The following MYRFL variants were observed in gnomAD, a reference collection of about 807,000 sequenced individuals.
MYRFL encodes myelin regulatory factor like.
A neutral mutation model predicts 109.4 loss-of-function variants in MYRFL; 88 were observed. The observed-to-expected ratio is 0.80, with a 90% confidence interval of 0.68 to 0.96. The LOEUF (loss-of-function observed/expected upper bound fraction) is 0.96, where lower values mean the gene tolerates loss of function less well. Ranked by LOEUF, MYRFL falls within the 40% of genes least tolerant of loss-of-function variation. The pLI, the probability that MYRFL is intolerant of heterozygous loss-of-function variation, is 0.00. For missense variants in MYRFL, 957 were observed against 954.9 expected, an observed-to-expected ratio of 1.00 and a Z score of -0.03; for synonymous variants, 324 against 320.9, an observed-to-expected ratio of 1.01 and a Z score of -0.10.
At position 69,956,600 on chromosome 12, in the gene MYRFL, C is replaced by T. The variant is rs191514583; in HGVS notation, c.2450+1163C>T. On this transcript the variant is annotated intron_variant, in intron 22 of 24. Transcript: ENST00000552032. ...CTATCACTCTTTCCCTTCCCTCTGTCCTCCCCTCTCTCCCTCTGCTTGCCC... is the reference window on the plus strand; with the variant it reads ...CTATCACTCTTTCCCTTCCCTCTGTTCTCCCCTCTCTCCCTCTGCTTGCCC... Among the ~76,000 whole-genome samples, 437 of 151,732 alleles carry T rather than the reference C, an allele frequency of 2.9e-3. 1 individual carries two copies. The highest frequency in any genetic ancestry group is 5.4e-3 in the Non-Finnish European group (366 of 67,900).
intron 1 of MYRFL, among the ~76,000 whole-genome samples, chr12:69,837,227 C>T (rs181488610): frequency 1.1e-4 from 17 of 152,244 alleles, no homozygotes; most frequent in South Asian, 6.2e-4. Context: ...TATTCTAGAA[C>T]GAGATGCCAA....
At chr12:69,862,527 C>G (rs1477569465) in intron 2 of MYRFL, among the ~76,000 whole-genome samples, 4 of 150,264 alleles carry the variant, frequency 2.7e-5, no homozygotes, top group African/African-American at 9.7e-5. Flanking sequence ...AATGGGAGTT[C>G]ACTCATGATT....
At chr12:69,874,605 C>G (rs1281149746) in intron 2 of MYRFL, among the ~76,000 whole-genome samples, 1 of 152,176 alleles carries the variant, frequency 6.6e-6, no homozygotes, top group Admixed American at 6.5e-5. Context: ...GCCTGAATAA[C>G]TGTCTTTAAC....
chr12:69,857,977 G>C (rs950676389), intron 2 of MYRFL, among the ~76,000 whole-genome samples: 1 of 151,740 alleles, frequency 6.6e-6, no homozygotes, highest in Non-Finnish European at 1.5e-5. Flanking sequence ...TTATCATTAA[G>C]TGTAATGTTA....
intron 11 of MYRFL, among the ~76,000 whole-genome samples, chr12:69,907,926 T>C (rs1017973111): frequency 1.2e-4 from 19 of 152,206 alleles, no homozygotes; most frequent in Middle Eastern, 3.2e-3. Flanking sequence ...TATGAGATTG[T>C]GACTGTTCCT....
intron 13 of MYRFL, 35 bp downstream of exon 13, chr12:69,910,965 A>C: frequency 6.9e-7 from 1 of 1,442,740 alleles, no homozygotes; most frequent in Non-Finnish European, 9.4e-7. Flanking sequence ...GCTATAAGCT[A>C]TCAGTCTAGG....
At chr12:69,921,031 A>G (rs549738047) in intron 13 of MYRFL, among the ~76,000 whole-genome samples, 1 of 152,282 alleles carries the variant, frequency 6.6e-6, no homozygotes, top group African/African-American at 2.4e-5. Flanking sequence ...TTTTTACATC[A>G]CAACTGTAGA....
chr12:69,836,341 G>A (rs1007488895), intron 1 of MYRFL, among the ~76,000 whole-genome samples: 3 of 152,136 alleles, frequency 2.0e-5, no homozygotes, highest in Non-Finnish European at 4.4e-5. Context: ...GGCCAGGGTG[G>A]TCATGGGAAA....
intron 1 of MYRFL, among the ~76,000 whole-genome samples, chr12:69,833,161 C>G (rs1447917870): frequency 6.6e-6 from 1 of 151,908 alleles, no homozygotes; most frequent in Non-Finnish European, 1.5e-5. Flanking sequence ...GCCCCTGAGA[C>G]TAAGTGAGAT....
At chr12:69,833,113 A>G (rs1273830289) in intron 1 of MYRFL, among the ~76,000 whole-genome samples, 1 of 152,124 alleles carries the variant, frequency 6.6e-6, no homozygotes. Flanking sequence ...GCTGTTGTCA[A>G]TTTGGGAATC....
At chr12:69,861,503 G>C (rs1295554787) in intron 2 of MYRFL, among the ~76,000 whole-genome samples, 1 of 152,110 alleles carries the variant, frequency 6.6e-6, no homozygotes, top group African/African-American at 2.4e-5. Context: ...GGCCAGTGAT[G>C]ATGAGCATTT....
intron 9 of MYRFL, among the ~76,000 whole-genome samples, 158 bp from the exon 10 acceptor site, chr12:69,896,998 T>TG (rs1954017203): frequency 6.6e-6 from 1 of 152,236 alleles, no homozygotes. Flanking sequence ...CTTGTTTCAC[T>TG]GGGGGGACAA....
At chr12:69,956,648 C>T (rs1326804721) in intron 22 of MYRFL, among the ~76,000 whole-genome samples, 1 of 151,908 alleles carries the variant, frequency 6.6e-6, no homozygotes, top group African/African-American at 2.4e-5. Flanking sequence ...CTCCTCCATC[C>T]TTCACCGCAC....
intron 19 of MYRFL, among the ~76,000 whole-genome samples, chr12:69,950,294 G>C (rs1955943653): frequency 6.6e-6 from 1 of 152,142 alleles, no homozygotes; most frequent in African/African-American, 2.4e-5. Flanking sequence ...AAGCAGCAGA[G>C]AGGTCACAGA....
intron 19 of MYRFL, among the ~76,000 whole-genome samples, chr12:69,942,297 G>A (rs1086225): frequency 0.43 from 56,484 of 132,336 alleles, 12,269 homozygotes; most frequent in Middle Eastern, 0.56. Flanking sequence ...TAAAATACTG[G>A]CAAACCGAAT....
chr12:69,872,957 A>G (rs1885440654), intron 2 of MYRFL, among the ~76,000 whole-genome samples: 1 of 152,162 alleles, frequency 6.6e-6, no homozygotes, highest in African/African-American at 2.4e-5. Context: ...GGAGTGTTTA[A>G]TCTTTTAACA....
intron 11 of MYRFL, among the ~76,000 whole-genome samples, chr12:69,908,672 A>T (rs917744447): frequency 3.9e-5 from 6 of 152,210 alleles, no homozygotes; most frequent in African/African-American, 1.4e-4. Context: ...TGTTTCTCAC[A>T]TTGTAATATA....
At chr12:69,904,109 C>T (rs1954281241) in intron 11 of MYRFL, 2 of 369,750 alleles carry the variant, frequency 5.4e-6, no homozygotes, top group African/African-American at 4.1e-5. Flanking sequence ...CAGCAAGTCT[C>T]AGTTATTTTC....
intron 6 of MYRFL, among the ~76,000 whole-genome samples, chr12:69,888,887 A>T (rs748700748): frequency 5.3e-5 from 8 of 152,194 alleles, no homozygotes; most frequent in Non-Finnish European, 8.8e-5. Flanking sequence ...ATGGCATAAG[A>T]TGTGTAGTCT....
Sources: gnomAD v4.1 joint callset for allele counts (sites outside exome capture counted in the v4.1 genomes callset) on GRCh38, gnomAD v4.1.1 for gene constraint, MANE v1.5 for transcripts, NCBI Gene and HGNC (gene_info 2026-07-23, HGNC 2026-07-21) for gene names.